Variants in ANKRD44 observed in about 807,000 individuals in gnomAD.
The protein encoded by ANKRD44 is ankyrin repeat domain 44.
A neutral mutation model predicts 116.0 loss-of-function variants in ANKRD44; 35 were observed. The observed-to-expected ratio is 0.30, with a 90% confidence interval of 0.23 to 0.40. ANKRD44 has a LOEUF of 0.40. Ranked by LOEUF, ANKRD44 falls within the 10% of genes least tolerant of loss-of-function variation. The probability of loss-of-function intolerance (pLI) is 1.00; values close to 1 mark genes in which losing one functional copy is unlikely to be tolerated. For missense variants in ANKRD44, 1,014 were observed against 1,242.6 expected, an observed-to-expected ratio of 0.82 and a Z score of 2.77; for synonymous variants, 435 against 461.8, an observed-to-expected ratio of 0.94 and a Z score of 0.74.
rs1217366250 is a variant in ANKRD44, at chr2:196,986,879, T to G, written c.*2712A>C. On this transcript the variant is annotated 3_prime_UTR_variant, in exon 28 of 28. Transcript: ENST00000282272. ...CAGTCATGACATTTACCAGAGTCAT[T>G]CAACTCCAATTTACATAAGAAAACA... The G allele has an allele frequency of 1.0e-5, 10 of 985,250 alleles. No individual in the cohort carries two copies. Among genetic ancestry groups the G allele is most frequent in the Non-Finnish European group, 1.1e-5 (9 of 829,892 alleles). 61.0% of individuals were successfully genotyped at this position (985,250 alleles called of 1,614,324 possible).
At chr2:197,051,626 C>A (rs1256684113) in intron 16 of ANKRD44, among the ~76,000 whole-genome samples, 1 of 152,118 alleles carries the variant, frequency 6.6e-6, no homozygotes, top group African/African-American at 2.4e-5. Flanking sequence ...TTAATAGTAA[C>A]TTTGTTGAAG....
At chr2:196,978,327 C>G (rs1316871038) in intron 21 of ANKRD44, among the ~76,000 whole-genome samples, 5 of 152,312 alleles carry the variant, frequency 3.3e-5, no homozygotes, top group African/African-American at 1.2e-4. Context: ...GAGGCCCTCA[C>G]CAGAAGCAGC....
intron 17 of ANKRD44, among the ~76,000 whole-genome samples, chr2:197,021,381 C>T (rs549985967): frequency 6.4e-4 from 97 of 152,330 alleles, no homozygotes; most frequent in Non-Finnish European, 1.5e-4. Flanking sequence ...GCCACAGTGC[C>T]TTCCACAATG....
chr2:196,989,519 C>CAA lies in ANKRD44; in HGVS notation c.*71_*72insTT. ...AGCTGGCTGATGAACTACACACACACACACATATATATATATATACACACG... is the reference window on the plus strand; with the variant it reads ...AGCTGGCTGATGAACTACACACACACAAACACATATATATATATATACACACG... On this transcript the variant is annotated 3_prime_UTR_variant, in exon 28 of 28. Transcript: ENST00000282272. 1 of 1,484,188 alleles carries CAA rather than the reference C, an allele frequency of 6.7e-7. No individual in the cohort carries two copies. 91.9% of individuals were successfully genotyped at this position (1,484,188 alleles called of 1,614,324 possible).
At chr2:197,108,868 C>CAAAAA (rs1278191964) in intron 9 of ANKRD44, among the ~76,000 whole-genome samples, 16 of 80,220 alleles carry the variant, frequency 2.0e-4, no homozygotes, top group African/African-American at 7.6e-4. Context: ...ACAACAACAA[C>CAAAAA]AACAAAAACA....
intron 12 of ANKRD44, among the ~76,000 whole-genome samples, chr2:197,087,381 C>T (rs2077950361): frequency 6.6e-6 from 1 of 152,172 alleles, no homozygotes; most frequent in African/African-American, 2.4e-5. Context: ...GAAAAGGACC[C>T]ATCAAAGTGA....
chr2:197,001,691 C>G, intron 22 of ANKRD44, 62 bp downstream of exon 22: 3 of 1,322,338 alleles, frequency 2.3e-6, no homozygotes, highest in Non-Finnish European at 2.1e-6. Context: ...TACAAAGCAA[C>G]TTTTCTATGT....
intron 1 of ANKRD44, among the ~76,000 whole-genome samples, chr2:197,308,751 C>T (rs1306858855): frequency 6.6e-6 from 1 of 152,174 alleles, no homozygotes; most frequent in East Asian, 1.9e-4. Context: ...GAATAACTTC[C>T]TCTCTTTGTA....
intron 16 of ANKRD44, among the ~76,000 whole-genome samples, chr2:197,025,702 C>T (rs1463112864): frequency 6.6e-6 from 1 of 152,114 alleles, no homozygotes; most frequent in African/African-American, 2.4e-5. Flanking sequence ...GAATAAAATA[C>T]GGGGATGTGA....
intron 1 of ANKRD44, among the ~76,000 whole-genome samples, chr2:197,273,993 A>ATC (rs1559208480): frequency 0.38 from 13,472 of 35,858 alleles, 3,133 homozygotes; most frequent in Non-Finnish European, 0.48. Context: ...ATATATATAT[A>ATC]TATATATATA....
At chr2:197,261,815 A>G (rs1041373086) in intron 1 of ANKRD44, among the ~76,000 whole-genome samples, 1 of 152,200 alleles carries the variant, frequency 6.6e-6, no homozygotes, top group African/African-American at 2.4e-5. Context: ...TTTGTCACAT[A>G]TCAAACAAGA....
At chr2:196,975,806 G>C (rs1015730120) in intron 21 of ANKRD44, among the ~76,000 whole-genome samples, 3 of 57,130 alleles carry the variant, frequency 5.3e-5, no homozygotes, top group African/African-American at 1.7e-4. Flanking sequence ...AAAAGAAAAA[G>C]AAAAAAGAAA....
intron 8 of ANKRD44, among the ~76,000 whole-genome samples, 176 bp from the exon 9 acceptor site, chr2:197,111,020 C>T (rs1300936192): frequency 6.6e-6 from 1 of 152,098 alleles, no homozygotes; most frequent in Non-Finnish European, 1.5e-5. Context: ...CACTGTACTC[C>T]AGCCTGGGTG....
chr2:197,227,369 G>C (rs1373792645), intron 1 of ANKRD44, among the ~76,000 whole-genome samples: 1 of 152,214 alleles, frequency 6.6e-6, no homozygotes, highest in Non-Finnish European at 1.5e-5. Context: ...CCTGGAAGCA[G>C]GTGAGGCTCC....
At chr2:197,304,118 C>T (rs571030202) in intron 1 of ANKRD44, among the ~76,000 whole-genome samples, 1 of 152,124 alleles carries the variant, frequency 6.6e-6, no homozygotes, top group Non-Finnish European at 1.5e-5. Flanking sequence ...CCAGCCTGGC[C>T]GACATGGTGA....
At chr2:197,015,993 G>A (rs764932422) in intron 17 of ANKRD44, 19 of 540,256 alleles carry the variant, frequency 3.5e-5, no homozygotes, top group Non-Finnish European at 5.5e-5. Flanking sequence ...GGAAGTGGTG[G>A]ATATGGTAGC....
chr2:196,973,486 A>G (rs1056420471), intron 21 of ANKRD44, among the ~76,000 whole-genome samples: 1 of 152,166 alleles, frequency 6.6e-6, no homozygotes, highest in Non-Finnish European at 1.5e-5. Context: ...TGCTTACAGT[A>G]TCTCCCCACG....
At chr2:197,063,582 A>T (rs534308697) in intron 16 of ANKRD44, among the ~76,000 whole-genome samples, 1 of 152,208 alleles carries the variant, frequency 6.6e-6, no homozygotes, top group Non-Finnish European at 1.5e-5. Flanking sequence ...GGCTAACTGG[A>T]AAAACCAGTG....
chr2:197,287,759 C>T (rs1245152740), intron 1 of ANKRD44, among the ~76,000 whole-genome samples: 2 of 152,056 alleles, frequency 1.3e-5, no homozygotes, highest in African/African-American at 4.8e-5. Context: ...GTAGCTCACG[C>T]CTGTAATCCT....
Sources: gnomAD v4.1 joint callset for allele counts (sites outside exome capture counted in the v4.1 genomes callset) on GRCh38, gnomAD v4.1.1 for gene constraint, MANE v1.5 for transcripts, NCBI Gene and HGNC (gene_info 2026-07-23, HGNC 2026-07-21) for gene names.